Variants in LRP2 observed in about 807,000 individuals in gnomAD.
LRP2 encodes the protein LDL receptor related protein 2.
A neutral mutation model predicts 531.0 loss-of-function variants in LRP2; 172 were observed. The observed-to-expected ratio is 0.32, with a 90% confidence interval of 0.29 to 0.37. The LOEUF (loss-of-function observed/expected upper bound fraction) is 0.37, where lower values mean the gene tolerates loss of function less well. LRP2 is among the 10% of genes least tolerant of loss of function. The probability of loss-of-function intolerance (pLI) is 1.00; values close to 1 mark genes in which losing one functional copy is unlikely to be tolerated. For synonymous variants in LRP2, 1,992 were observed against 2,027.6 expected, an observed-to-expected ratio of 0.98 and a Z score of 0.47; for missense variants, 5,167 against 5,868.3, an observed-to-expected ratio of 0.88 and a Z score of 3.90.
chr2:169,272,350 C>A (rs1683439305), intron 15 of LRP2, among the ~76,000 whole-genome samples: 1 of 152,034 alleles, frequency 6.6e-6, no homozygotes. Flanking sequence ...GAGGCAGATA[C>A]AAGAAAGTTT....
chr2:169,344,871 C>G (rs1007672863), intron 1 of LRP2, among the ~76,000 whole-genome samples: 5 of 152,206 alleles, frequency 3.3e-5, no homozygotes, highest in Admixed American at 2.0e-4. Context: ...TTAAAAGTTT[C>G]CCTGGTGTGC....
Position 169,239,564 on chromosome 2 carries a change from G to C in LRP2, c.4257C>G (p.Tyr1419Ter). The change falls in exon 26 of 79, where the codon TAC becomes TAG. Residue 1419 changes from tyrosine (Y) to a stop codon, truncating the protein, a stop_gained. Coordinates refer to ENST00000649046, the MANE Select transcript of LRP2 (RefSeq NM_004525.3). LOFTEE classifies it high-confidence loss of function. ...GSFRCSCDTGYMLESDGRTCK... is the reference protein window; with the variant it reads ...GSFRCSCDTG ...AAGTCCTCCCATCACTTTCTAACAT[G>C]TAGCCTGTATCACACGAGCACCGGA... is the stretch of plus-strand genomic sequence containing the variant. The C allele has an allele frequency of 6.2e-7, 1 of 1,614,022 alleles. No homozygotes were observed. The highest frequency in any genetic ancestry group is 8.5e-7 in the Non-Finnish European group (1 of 1,179,926).
intron 37 of LRP2, among the ~76,000 whole-genome samples, chr2:169,210,250 G>A (rs759715582): frequency 1.8e-4 from 27 of 152,058 alleles, no homozygotes; most frequent in Non-Finnish European, 3.2e-4. Flanking sequence ...AGGTGCTTGG[G>A]AGCCAAGACA....
chr2:169,322,000 C>T (rs1684921088), intron 1 of LRP2, among the ~76,000 whole-genome samples: 1 of 152,166 alleles, frequency 6.6e-6, no homozygotes, highest in Non-Finnish European at 1.5e-5. Flanking sequence ...GCAGCCACTA[C>T]CAGCCCCACT....
At chr2:169,259,252 G>A (rs746142311) in intron 16 of LRP2, 35 bp from the exon 17 acceptor site, 2 of 1,473,466 alleles carry the variant, frequency 1.4e-6, no homozygotes, top group South Asian at 2.3e-5. Flanking sequence ...TTTAAGCTAA[G>A]TATATTTTGT....
At chr2:169,142,605 T>C (rs1685763668) in intron 71 of LRP2, 69 bp downstream of exon 71, 19 of 1,605,310 alleles carry the variant, frequency 1.2e-5, no homozygotes, top group Non-Finnish European at 1.6e-5. Context: ...ATACAGGGAT[T>C]CTTCTGACTC....
intron 9 of LRP2, among the ~76,000 whole-genome samples, chr2:169,287,479 A>C (rs1227438605): frequency 1.3e-5 from 2 of 152,166 alleles, no homozygotes; most frequent in Admixed American, 1.3e-4. Flanking sequence ...ACTGGATATA[A>C]AAATCTAATT....
chr2:169,160,690 A>AAAAAAAAAAACC (rs1553487434), intron 63 of LRP2, among the ~76,000 whole-genome samples: 7 of 147,110 alleles, frequency 4.8e-5, no homozygotes, highest in African/African-American at 1.8e-4. Context: ...CTTAAAAAAA[A>AAAAAAAAAAACC]AAAAACCTGC....
In LRP2 at chr2:169,202,816, A is replaced by C; in HGVS notation, c.8149T>G (p.Trp2717Gly). The change falls in exon 43 of 79, where the codon TGG (tryptophan) becomes GGG (glycine). Residue 2717 changes from tryptophan (W) to glycine (G), a missense_variant. Physicochemically the swap from Trp to Gly is radical, Grantham distance 184. Coordinates refer to ENST00000649046, the MANE Select transcript of LRP2 (RefSeq NM_004525.3). The stretch of plus-strand genomic sequence containing the variant: ...CAGTCGTTGTCATTATCACACTTCC[A>C]CTCTTCCGAGATGCAGCGCCCATTG... Reference protein sequence around the residue: ...CSNGRCISEEWKCDNDNDCGD... With the variant: ...CSNGRCISEEGKCDNDNDCGD... The C allele has an allele frequency of 1.9e-6, 3 of 1,613,290 alleles. No homozygotes were observed. The East Asian group carries it at 6.7e-5, about 36-fold the overall frequency.
chr2:169,157,868 A>G (rs572054393), intron 63 of LRP2, among the ~76,000 whole-genome samples: 4 of 151,528 alleles, frequency 2.6e-5, no homozygotes, highest in Non-Finnish European at 4.4e-5. Flanking sequence ...AGATAGATCA[A>G]TAGATAGATA....
In LRP2 at chr2:169,150,986, C is replaced by G. The variant is rs1318822438; in HGVS notation, c.12502G>C (p.Val4168Leu). The G allele has an allele frequency of 4.3e-6, 7 of 1,614,014 alleles. No individual in the cohort carries two copies. Among genetic ancestry groups the G allele is most frequent in the Non-Finnish European group, 5.9e-6 (7 of 1,179,926 alleles). ...CTGTACCTTCCATCAAGTTTAGCCACCTCAATGCGTTTATTCTTGACATCT... is the reference window on the plus strand; with the variant it reads ...CTGTACCTTCCATCAAGTTTAGCCAGCTCAATGCGTTTATTCTTGACATCT... Reference protein sequence around the residue: ...WSDVKNKRIEVAKLDGRYRKW... With the variant: ...WSDVKNKRIELAKLDGRYRKW... The change falls in exon 68 of 79, where the codon GTG (valine) becomes CTG (leucine). Residue 4168 changes from valine to leucine, a missense_variant. By Grantham distance (32) the Val-to-Leu change is conservative. Around this residue, in one of 6 missense-constraint regions of LRP2, gnomAD observed 564 missense variants for 747.7 expected, o/e 0.75. Transcript: ENST00000649046.
intron 44 of LRP2, among the ~76,000 whole-genome samples, chr2:169,200,551 T>C (rs1688170538): frequency 6.6e-6 from 1 of 152,152 alleles, no homozygotes; most frequent in Non-Finnish European, 1.5e-5. Flanking sequence ...GAAAAAACAG[T>C]TGACAGCACT....
chr2:169,152,247 T>C (rs997927501), intron 67 of LRP2, among the ~76,000 whole-genome samples: 1 of 152,174 alleles, frequency 6.6e-6, no homozygotes, highest in African/African-American at 2.4e-5. Flanking sequence ...GACTGACACC[T>C]CTATTAACTC....
intron 3 of LRP2, among the ~76,000 whole-genome samples, chr2:169,310,907 A>C (rs749880645): frequency 6.6e-6 from 1 of 152,164 alleles, no homozygotes; most frequent in Non-Finnish European, 1.5e-5. Flanking sequence ...CAGGGATTCA[A>C]CTTCTTCCTG....
intron 19 of LRP2, among the ~76,000 whole-genome samples, chr2:169,251,531 G>C (rs1574181206): frequency 6.5e-5 from 1 of 15,466 alleles, no homozygotes; most frequent in African/African-American, 5.9e-4. Flanking sequence ...GCCTACAAGA[G>C]AAAGCAGGAA....
intron 9 of LRP2, among the ~76,000 whole-genome samples, chr2:169,287,209 C>T (rs2105461881): frequency 6.6e-6 from 1 of 152,266 alleles, no homozygotes; most frequent in African/African-American, 2.4e-5. Flanking sequence ...CAATAAAACA[C>T]AAAATGTGTC....
At chr2:169,157,677 C>T (rs997308385) in intron 63 of LRP2, among the ~76,000 whole-genome samples, 175 bp from the exon 64 acceptor site, 3 of 151,876 alleles carry the variant, frequency 2.0e-5, no homozygotes, top group Admixed American at 1.3e-4. Flanking sequence ...TATTTCTGAT[C>T]GTGATCTGAA....
chr2:169,154,748 A>G, intron 65 of LRP2, 145 bp from the exon 66 acceptor site: 1 of 743,436 alleles, frequency 1.3e-6, no homozygotes, highest in Non-Finnish European at 2.3e-6. Flanking sequence ...TAATCAATAA[A>G]GCTGACTCTC....
At chr2:169,341,315 T>TA (rs1212951140) in intron 1 of LRP2, among the ~76,000 whole-genome samples, 3 of 151,606 alleles carry the variant, frequency 2.0e-5, no homozygotes, top group East Asian at 1.9e-4. Context: ...TTATGTGAAG[T>TA]AAAAAAAAAT....
Sources: gnomAD v4.1 joint callset for allele counts (sites outside exome capture counted in the v4.1 genomes callset) on GRCh38, gnomAD v4.1.1 for gene constraint, gnomAD v4.1.1 regional missense constraint, MANE v1.5 for transcripts, NCBI Gene and HGNC (gene_info 2026-07-23, HGNC 2026-07-21) for gene names.